Variants in VIRMA observed in about 807,000 individuals in gnomAD.
VIRMA encodes the protein vir like m6A methyltransferase associated.
In VIRMA, 65 loss-of-function variants were observed where a neutral mutation model predicts 182.4. The ratio of observed to expected loss-of-function variants is 0.36; its 90% CI spans 0.29 to 0.44. The LOEUF (loss-of-function observed/expected upper bound fraction) is 0.44. VIRMA is among the 20% of genes least tolerant of loss of function. The pLI is 1.00. For missense variants in VIRMA, 1,752 were observed against 2,158.1 expected (o/e 0.81, Z 3.73); for synonymous variants, 709 against 743.1 (o/e 0.95, Z 0.75).
At chr8:94,546,041 A>G (rs1815748570) in intron 1 of VIRMA, among the ~76,000 whole-genome samples, 1 of 144,608 alleles carries the variant, frequency 6.9e-6, no homozygotes, top group Non-Finnish European at 1.5e-5. Context: ...TAAGCAACAA[A>G]GCGAGACTCT....
intron 1 of VIRMA, among the ~76,000 whole-genome samples, chr8:94,550,641 T>A (rs956598904): frequency 6.6e-6 from 1 of 151,974 alleles, no homozygotes; most frequent in African/African-American, 2.4e-5. Flanking sequence ...ATCTAATGTA[T>A]CTTACTAATT....
chr8:94,493,561 T>A (rs1586061157), intron 20 of VIRMA, among the ~76,000 whole-genome samples: 1 of 152,324 alleles, frequency 6.6e-6, no homozygotes, highest in East Asian at 1.9e-4. Flanking sequence ...GGCTACTGTT[T>A]TGGACAGGGC....
chr8:94,541,044 CAT>C (rs1489939599), intron 2 of VIRMA, among the ~76,000 whole-genome samples: 1 of 151,390 alleles, frequency 6.6e-6, no homozygotes, highest in Non-Finnish European at 1.5e-5. Context: ...CACACACACA[CAT>C]ACAAACACAC....
rs556608197 is a variant in VIRMA at position 94,552,549 on chromosome 8, C to T, written c.63+836G>A. ...TCTCTAAATTAAGCTTACATTAAGACAGAAAAATGTGAAGTTCGTTTTTTT... is the reference window on the plus strand; with the variant it reads ...TCTCTAAATTAAGCTTACATTAAGATAGAAAAATGTGAAGTTCGTTTTTTT... On this transcript the variant is annotated intron_variant, in intron 1 of 23. Transcript: ENST00000297591. Among the ~76,000 whole-genome samples, 12 of 150,390 alleles carry T rather than the reference C, an allele frequency of 8.0e-5. No homozygotes were observed. In the South Asian group the frequency reaches 2.5e-3, roughly 31 times the overall value.
intron 8 of VIRMA, among the ~76,000 whole-genome samples, chr8:94,522,384 C>A (rs1181886983): frequency 6.6e-6 from 1 of 152,124 alleles, no homozygotes. Flanking sequence ...TCCCAGGTAC[C>A]TTTTTCCTTT....
At chr8:94,530,570 G>C (rs1815137738) in intron 6 of VIRMA, among the ~76,000 whole-genome samples, 1 of 151,982 alleles carries the variant, frequency 6.6e-6, no homozygotes, top group South Asian at 2.1e-4. Flanking sequence ...CACAGCATGG[G>C]GGGAGACTGC....
chr8:94,535,134 A>T, intron 4 of VIRMA, 127 bp from the exon 5 acceptor site: 2 of 1,386,104 alleles, frequency 1.4e-6, no homozygotes. Context: ...TGCAAAGTCA[A>T]CACAAAGTGA....
At chr8:94,553,296 G>A (rs1368382142) in intron 1 of VIRMA, 89 bp downstream of exon 1, 3 of 1,291,712 alleles carry the variant, frequency 2.3e-6, no homozygotes, top group East Asian at 4.6e-5. Context: ...GAAGCAATCT[G>A]CAGAAGGAAA....
chr8:94,498,533 GAC>G (rs1347504272), intron 17 of VIRMA: 2 of 152,194 alleles, frequency 1.3e-5, no homozygotes, highest in Non-Finnish European at 2.9e-5. Context: ...AGACTGCAGT[GAC>G]ACAATCATAG....
chr8:94,538,538 C>T (rs1815421120), intron 2 of VIRMA, among the ~76,000 whole-genome samples, 192 bp from the exon 3 acceptor site: 1 of 152,048 alleles, frequency 6.6e-6, no homozygotes, highest in African/African-American at 2.4e-5. Context: ...CTCAAGTAGC[C>T]AACAGCTGAT....
chr8:94,495,263 C>T (rs1042053476), intron 19 of VIRMA, among the ~76,000 whole-genome samples: 6 of 152,076 alleles, frequency 3.9e-5, no homozygotes, highest in African/African-American at 1.4e-4. Context: ...CTCAGCCTTC[C>T]GAAGTGCTGG....
chr8:94,491,329 G>C (rs529983800), intron 22 of VIRMA, among the ~76,000 whole-genome samples: 1 of 151,104 alleles, frequency 6.6e-6, no homozygotes, highest in Non-Finnish European at 1.5e-5. Flanking sequence ...AAAAAAGGCC[G>C]GGGGGAATAA....
Position 94,553,430 on chromosome 8 carries a change from C to A in VIRMA, c.18G>T (p.Ala6=), listed in dbSNP as rs376109249. MAVDS[A]MELLFLDTFK... is the part of the protein sequence containing the mutation. ...AAGTATCTAAAAATAACAGCTCCATCGCCGAGTCCACCGCCATGTTTGCCG... is the reference window on the plus strand; with the variant it reads ...AAGTATCTAAAAATAACAGCTCCATAGCCGAGTCCACCGCCATGTTTGCCG... Residue 6 remains alanine, a synonymous_variant, in exon 1 of 24, where the codon GCG becomes GCT. Coordinates refer to ENST00000297591, the MANE Select transcript of VIRMA (RefSeq NM_015496.5). 2 of 1,614,106 alleles carry A rather than the reference C, an allele frequency of 1.2e-6. No individual in the cohort carries two copies. Among genetic ancestry groups the A allele is most frequent in the African/African-American group, 2.7e-5 (2 of 74,938 alleles).
chr8:94,540,461 CTTTT>C (rs963429701), intron 2 of VIRMA, among the ~76,000 whole-genome samples: 1 of 128,628 alleles, frequency 7.8e-6, no homozygotes. Flanking sequence ...TTCTTCTTTT[CTTTT>C]TTTTTTTTTT....
chr8:94,507,893 G>GTA (rs113585230), intron 15 of VIRMA, among the ~76,000 whole-genome samples: 2 of 140,426 alleles, frequency 1.4e-5, no homozygotes, highest in African/African-American at 5.2e-5. Flanking sequence ...ATGTATATAT[G>GTA]TATATATATG....
rs1263169729 is a variant in VIRMA, at chr8:94,506,708, G to C, written c.3889C>G (p.Leu1297Val). The C allele has an allele frequency of 1.9e-6, 3 of 1,612,092 alleles. No homozygotes were observed. In the South Asian group the frequency reaches 3.3e-5, roughly 18 times the overall value. ...CCTTCAGAAGAGCTTGGTAAGATAA[G>C]TGCAATGTCCTGTGGGGAGCAGGGA... is the stretch of plus-strand genomic sequence containing the variant. ...LQSLCDQDIA[L>V]ILPSSSEGSI... The change falls in exon 16 of 24, where the codon CTT (leucine) becomes GTT (valine). Residue 1297 changes from leucine (L) to valine (V), a missense_variant. Physicochemically the swap from Leu to Val is conservative, Grantham distance 32 (BLOSUM62 1). Transcript: ENST00000297591.
chr8:94,515,165 C>T (rs376169104), intron 10 of VIRMA, among the ~76,000 whole-genome samples: 16 of 150,780 alleles, frequency 1.1e-4, no homozygotes, highest in Non-Finnish European at 1.9e-4. Context: ...GGCGTAATCT[C>T]GGCTCACTGC....
chr8:94,514,802 A>G, intron 11 of VIRMA, 67 bp downstream of exon 11: 1 of 770,326 alleles, frequency 1.3e-6, no homozygotes, highest in Non-Finnish European at 2.2e-6. Context: ...AAGTGATTCA[A>G]TGCAGTATCA....
intron 1 of VIRMA, among the ~76,000 whole-genome samples, chr8:94,546,095 C>T (rs1815751854): frequency 6.7e-6 from 1 of 149,432 alleles, no homozygotes; most frequent in South Asian, 2.1e-4. Context: ...AAACATAGTT[C>T]ATCATAGCTA....
Sources: gnomAD v4.1 joint callset for allele counts (sites outside exome capture counted in the v4.1 genomes callset) on GRCh38, gnomAD v4.1.1 for gene constraint, MANE v1.5 for transcripts, NCBI Gene and HGNC (gene_info 2026-07-23, HGNC 2026-07-21) for gene names.